Variants in GALNT17 observed in about 807,000 individuals in gnomAD.
GALNT17 encodes the protein polypeptide N-acetylgalactosaminyltransferase 17.
In GALNT17, 29 loss-of-function variants were observed where a neutral mutation model predicts 63.7. That is an observed-to-expected ratio of 0.46 (90% CI 0.34 to 0.62). GALNT17 has a LOEUF of 0.62. Ranked by LOEUF, GALNT17 falls within the 20% of genes least tolerant of loss-of-function variation. The pLI, the probability that GALNT17 is intolerant of heterozygous loss-of-function variation, is 0.01. For synonymous variants in GALNT17, 305 were observed against 318.3 expected, an observed-to-expected ratio of 0.96 and a Z score of 0.45; for missense variants, 603 against 799.6, an observed-to-expected ratio of 0.75 and a Z score of 2.97.
chr7:71,521,107 C>T (rs1273349159), intron 5 of GALNT17, among the ~76,000 whole-genome samples: 1 of 152,198 alleles, frequency 6.6e-6, no homozygotes, highest in Admixed American at 6.5e-5. Context: ...CATGTATTTT[C>T]ATTGAACACG....
chr7:71,620,778 A>G (rs1056979505), intron 6 of GALNT17, among the ~76,000 whole-genome samples: 1 of 152,230 alleles, frequency 6.6e-6, no homozygotes, highest in Non-Finnish European at 1.5e-5. Context: ...TCAGAAGCAT[A>G]AAGCCTTGTC....
rs1584034228 is a variant in GALNT17, at chr7:71,538,355, C to G, written c.963-32930C>G. 4.6e-5 allele frequency among the ~76,000 whole-genome samples: 7 copies of G among 152,246 alleles called. No individual in the cohort carries two copies. The South Asian group carries it at 1.5e-3, about 32-fold the overall frequency. ...AGGAAATAACCTCTTATTCCATCAG[C>G]CCATAAACCAGCGGCACGTGGACGC... On this transcript the variant is annotated intron_variant, in intron 5 of 10. Coordinates refer to ENST00000333538, the MANE Select transcript of GALNT17 (RefSeq NM_022479.3).
In GALNT17 at chr7:71,176,072, A is replaced by G. The variant is rs573456243; in HGVS notation, c.238+43032A>G. 3.9e-5 allele frequency among the ~76,000 whole-genome samples: 6 copies of G among 152,254 alleles called. No homozygotes were observed. In the East Asian group the frequency reaches 1.2e-3, roughly 30 times the overall value. ...TGGCTGGTTAATGCTGGCTTTCAGC[A>G]AGGATCTTATTTGGAGCACCTACGT... On this transcript the variant is annotated intron_variant, in intron 1 of 10. Transcript: ENST00000333538.
chr7:71,485,860 A>G (rs1481728833), intron 5 of GALNT17, among the ~76,000 whole-genome samples: 3 of 152,200 alleles, frequency 2.0e-5, no homozygotes, highest in Non-Finnish European at 4.4e-5. Context: ...TGTGTAAGCT[A>G]TATAGTCAGA....
intron 1 of GALNT17, among the ~76,000 whole-genome samples, chr7:71,227,174 C>CAAAAAAA (rs58450619): frequency 7.6e-4 from 46 of 60,802 alleles, no homozygotes; most frequent in Non-Finnish European, 1.1e-3. Context: ...ACCGTCTCTA[C>CAAAAAAA]AAAAAAAAAA....
intron 6 of GALNT17, among the ~76,000 whole-genome samples, chr7:71,594,778 T>A (rs1789862344): frequency 6.6e-6 from 1 of 152,228 alleles, no homozygotes; most frequent in East Asian, 1.9e-4. Context: ...GTAAATGGTT[T>A]AAAATAACTG....
At chr7:71,639,167 G>A (rs994614687) in intron 6 of GALNT17, among the ~76,000 whole-genome samples, 3 of 152,048 alleles carry the variant, frequency 2.0e-5, no homozygotes, top group Admixed American at 6.6e-5. Context: ...ATTATTATGC[G>A]TTACATGCCT....
At position 71,240,886 on chromosome 7, in the gene GALNT17, G is replaced by A. The variant is rs1303200250; in HGVS notation, c.239-94664G>A. Reference sequence around the variant, plus strand: ...TCACCGTGTTAGCCAGGATGGTCTCGATCTCCTGACCTCGTGATCCGCCTG... The same window carrying A: ...TCACCGTGTTAGCCAGGATGGTCTCAATCTCCTGACCTCGTGATCCGCCTG... On this transcript the variant is annotated intron_variant, in intron 1 of 10. Coordinates refer to ENST00000333538, the MANE Select transcript of GALNT17 (RefSeq NM_022479.3). Among the ~76,000 whole-genome samples the A allele has an allele frequency of 4.6e-5, 7 of 152,006 alleles. No homozygotes were observed. In the East Asian group the frequency reaches 9.7e-4, roughly 21 times the overall value.
chr7:71,209,277 A>G (rs1789331048), intron 1 of GALNT17, among the ~76,000 whole-genome samples: 1 of 152,214 alleles, frequency 6.6e-6, no homozygotes, highest in Non-Finnish European at 1.5e-5. Context: ...TCTCTTCCTC[A>G]GGTCACAGTT....
chr7:71,461,103 A>G (rs927789451), intron 5 of GALNT17, among the ~76,000 whole-genome samples: 3 of 152,196 alleles, frequency 2.0e-5, no homozygotes, highest in African/African-American at 7.2e-5. Flanking sequence ...GAAAGGAGAG[A>G]CATAAAACTT....
At chr7:71,417,952 T>G (rs1396900124) in intron 4 of GALNT17, among the ~76,000 whole-genome samples, 2 of 152,204 alleles carry the variant, frequency 1.3e-5, no homozygotes, top group Non-Finnish European at 1.5e-5. Context: ...AGCTTGGTTC[T>G]TTCTTGACAT....
intron 3 of GALNT17, among the ~76,000 whole-genome samples, chr7:71,400,835 A>G (rs1227143409): frequency 1.3e-5 from 2 of 152,240 alleles, no homozygotes; most frequent in Admixed American, 6.5e-5. Context: ...GAGGACCCCC[A>G]GGGTCCCTGC....
chr7:71,689,798 A>G (rs1408225400), intron 9 of GALNT17, among the ~76,000 whole-genome samples: 1 of 152,218 alleles, frequency 6.6e-6, no homozygotes, highest in African/African-American at 2.4e-5. Context: ...CATAGAGAGG[A>G]GAAGTCCATG....
At chr7:71,358,086 A>G (rs1792323096) in intron 2 of GALNT17, among the ~76,000 whole-genome samples, 1 of 152,178 alleles carries the variant, frequency 6.6e-6, no homozygotes, top group South Asian at 2.1e-4. Context: ...CTTCACAATA[A>G]GTCTTGCTGC....
intron 6 of GALNT17, among the ~76,000 whole-genome samples, chr7:71,586,370 C>T (rs1297814869): frequency 6.6e-6 from 1 of 152,156 alleles, no homozygotes; most frequent in South Asian, 2.1e-4. Flanking sequence ...CAGTCTTTGT[C>T]GTTTACTGAG....
intron 6 of GALNT17, among the ~76,000 whole-genome samples, chr7:71,653,384 G>A (rs1790781076): frequency 6.6e-6 from 1 of 151,456 alleles, no homozygotes; most frequent in Admixed American, 6.6e-5. Context: ...CATGGAAGCT[G>A]TACATTGTTT....
intron 1 of GALNT17, among the ~76,000 whole-genome samples, chr7:71,295,996 TG>T (rs2115847341): frequency 6.6e-6 from 1 of 152,214 alleles, no homozygotes; most frequent in African/African-American, 2.4e-5. Context: ...TTTTTAGTCC[TG>T]GGAGCTCTTA....
chr7:71,711,979 T>TCTCTCTTCTC (rs758503243), intron 10 of GALNT17, 39 bp from the exon 11 acceptor site: 3 of 1,610,082 alleles, frequency 1.9e-6, no homozygotes, highest in East Asian at 4.5e-5. Flanking sequence ...CTCTCTCCTC[T>TCTCTCTTCTC]CTCTCTTCTC....
At chr7:71,467,878 A>G (rs926236238) in intron 5 of GALNT17, among the ~76,000 whole-genome samples, 7 of 152,178 alleles carry the variant, frequency 4.6e-5, no homozygotes, top group African/African-American at 1.7e-4. Context: ...CTCAGAGCCA[A>G]GGTGTATTGG....
Sources: allele counts gnomAD v4.1 joint callset (sites outside exome capture counted in the v4.1 genomes callset), GRCh38; gene constraint gnomAD v4.1.1; transcripts MANE v1.5; gene names NCBI Gene and HGNC (gene_info 2026-07-23, HGNC 2026-07-21).